The following ADGRB3 variants were observed in gnomAD, a reference collection of about 807,000 sequenced individuals.
ADGRB3 encodes the protein brain-specific angiogenesis inhibitor 3.
A neutral mutation model predicts 193.4 loss-of-function variants in ADGRB3; 37 were observed. The observed-to-expected ratio is 0.19, with a 90% CI of 0.15 to 0.25. The LOEUF (loss-of-function observed/expected upper bound fraction) is 0.25, where lower values mean the gene tolerates loss of function less well. Among genes scored for constraint, ADGRB3 ranks in the 10% least tolerant of loss-of-function variants. The pLI, the probability that ADGRB3 is intolerant of heterozygous loss-of-function variation, is 1.00. For missense variants in ADGRB3, 1,637 were observed against 1,852.9 expected, an observed-to-expected ratio of 0.88 and a Z score of 2.14; for synonymous variants, 690 against 644.2, an observed-to-expected ratio of 1.07 and a Z score of -1.08.
intron 17 of ADGRB3, among the ~76,000 whole-genome samples, chr6:69,136,748 T>A (rs1774161322): frequency 6.6e-6 from 1 of 152,130 alleles, no homozygotes; most frequent in Admixed American, 6.5e-5. Context: ...TTAGTAGCCA[T>A]AGCCATATTT....
chr6:69,266,163 T>TC (rs1352421304), intron 20 of ADGRB3, among the ~76,000 whole-genome samples: 1 of 151,990 alleles, frequency 6.6e-6, no homozygotes, highest in Non-Finnish European at 1.5e-5. Context: ...AAAAATATGG[T>TC]TCACAGCCAG....
intron 20 of ADGRB3, among the ~76,000 whole-genome samples, chr6:69,255,883 G>T (rs943023730): frequency 1.3e-5 from 2 of 152,142 alleles, no homozygotes; most frequent in African/African-American, 4.8e-5. Flanking sequence ...TTTTGTATAA[G>T]GTGTAAGGAA....
intron 16 of ADGRB3, among the ~76,000 whole-genome samples, chr6:69,073,509 A>G (rs945498362): frequency 2.0e-5 from 3 of 152,208 alleles, no homozygotes; most frequent in African/African-American, 7.2e-5. Context: ...AGAGGGGATG[A>G]AAATGAAACA....
chr6:69,064,390 G>A (rs1328120664), intron 16 of ADGRB3, among the ~76,000 whole-genome samples: 2 of 150,874 alleles, frequency 1.3e-5, no homozygotes, highest in Non-Finnish European at 3.0e-5. Context: ...AAACTATTAG[G>A]TGTTTTCCTG....
chr6:69,119,083 G>A (rs560201173), intron 17 of ADGRB3, among the ~76,000 whole-genome samples: 33 of 152,214 alleles, frequency 2.2e-4, no homozygotes, highest in Non-Finnish European at 4.0e-4. Context: ...GCAGCATTTC[G>A]AGTCCACCAA....
chr6:69,100,150 G>A (rs1462326431), intron 17 of ADGRB3, among the ~76,000 whole-genome samples: 4 of 152,114 alleles, frequency 2.6e-5, no homozygotes, highest in Admixed American at 2.0e-4. Flanking sequence ...GTGCCCATTT[G>A]CAAGGGAATA....
intron 3 of ADGRB3, among the ~76,000 whole-genome samples, chr6:68,820,552 A>G (rs1767730063): frequency 6.6e-6 from 1 of 151,992 alleles, no homozygotes; most frequent in Non-Finnish European, 1.5e-5. Context: ...TATTTTGACT[A>G]TAGTCATCCT....
At chr6:69,318,513 G>A (rs1307028587) in intron 20 of ADGRB3, among the ~76,000 whole-genome samples, 2 of 151,226 alleles carry the variant, frequency 1.3e-5, no homozygotes, top group East Asian at 3.9e-4. Context: ...GTTTGTAAGT[G>A]GAAGTGGCTT....
At chr6:69,189,423 G>A (rs1561946903) in intron 17 of ADGRB3, among the ~76,000 whole-genome samples, 1 of 152,194 alleles carries the variant, frequency 6.6e-6, no homozygotes, top group Non-Finnish European at 1.5e-5. Flanking sequence ...TTTTGAATCA[G>A]TGATGAAAGA....
intron 3 of ADGRB3, among the ~76,000 whole-genome samples, chr6:68,848,105 A>C (rs1768318504): frequency 6.6e-6 from 1 of 152,028 alleles, no homozygotes. Context: ...TCACTTAATA[A>C]AAATAAAAAC....
intron 17 of ADGRB3, among the ~76,000 whole-genome samples, chr6:69,207,679 G>T (rs569230752): frequency 1.3e-5 from 2 of 152,296 alleles, no homozygotes; most frequent in Admixed American, 1.3e-4. Context: ...TGTAATTGTG[G>T]ACTTCGAAAG....
intron 13 of ADGRB3, 32 bp downstream of exon 13, chr6:69,018,531 C>G (rs1428054496): frequency 6.8e-7 from 1 of 1,480,464 alleles, no homozygotes; most frequent in African/African-American, 1.4e-5. Context: ...CAAAATCTTT[C>G]TGAAATAAAA....
At chr6:69,052,819 A>G (rs937036498) in intron 15 of ADGRB3, among the ~76,000 whole-genome samples, 1 of 152,196 alleles carries the variant, frequency 6.6e-6, no homozygotes, top group African/African-American at 2.4e-5. Flanking sequence ...TATGCTTCAG[A>G]TGAAGTCCAT....
In ADGRB3 at chr6:68,694,993, G is replaced by A. The variant is rs1008417408; in HGVS notation, c.757+55561G>A. Among the ~76,000 whole-genome samples, 11 of 152,164 alleles carry A rather than the reference G, an allele frequency of 7.2e-5. No individual in the cohort carries two copies. In the South Asian group the frequency reaches 8.3e-4, roughly 11 times the overall value. On this transcript the variant is annotated intron_variant, in intron 3 of 31. Coordinates refer to ENST00000370598, the MANE Select transcript of ADGRB3 (RefSeq NM_001704.3). ...CCCCTCTTACGAGGTAATAGGCATC[G>A]TATAGTCTATTTTCAGTGATATCTA...
chr6:68,979,270 C>T (rs992461897), intron 10 of ADGRB3, among the ~76,000 whole-genome samples: 2 of 151,288 alleles, frequency 1.3e-5, no homozygotes, highest in African/African-American at 4.8e-5. Flanking sequence ...GAAGGTGATA[C>T]ACCAGACTTA....
intron 17 of ADGRB3, among the ~76,000 whole-genome samples, chr6:69,146,372 C>T (rs1774494480): frequency 6.6e-6 from 1 of 152,230 alleles, no homozygotes; most frequent in African/African-American, 2.4e-5. Context: ...GAAACAGGCA[C>T]TTCTGAGCCT....
At chr6:68,986,333 C>T (rs1217081745) in intron 10 of ADGRB3, among the ~76,000 whole-genome samples, 1 of 152,110 alleles carries the variant, frequency 6.6e-6, no homozygotes, top group Non-Finnish European at 1.5e-5. Flanking sequence ...TTCAACACAC[C>T]ATTCTGAGTT....
At chr6:68,810,461 G>A (rs535703574) in intron 3 of ADGRB3, among the ~76,000 whole-genome samples, 1 of 152,138 alleles carries the variant, frequency 6.6e-6, no homozygotes, top group Non-Finnish European at 1.5e-5. Flanking sequence ...TTGAGGCTGA[G>A]CGAACAGATG....
intron 3 of ADGRB3, among the ~76,000 whole-genome samples, chr6:68,698,590 G>A (rs1368759032): frequency 6.6e-6 from 1 of 151,882 alleles, no homozygotes; most frequent in African/African-American, 2.4e-5. Flanking sequence ...TGTATGACAA[G>A]CACAAAAGCA....
Sources: allele counts gnomAD v4.1 joint callset (sites outside exome capture counted in the v4.1 genomes callset), GRCh38; gene constraint gnomAD v4.1.1; transcripts MANE v1.5; gene names NCBI Gene and HGNC (gene_info 2026-07-23, HGNC 2026-07-21).